The following ZNF398 variants were observed in gnomAD, a reference collection of about 807,000 sequenced individuals.
The protein encoded by ZNF398 is zinc finger protein 398.
ZNF398 carries 18 observed loss-of-function variants against 41.9 expected under a neutral mutation model. The observed-to-expected ratio is 0.43, with a 90% CI of 0.30 to 0.64. The LOEUF (loss-of-function observed/expected upper bound fraction) is 0.64. Among genes scored for constraint, ZNF398 ranks in the 30% least tolerant of loss-of-function variants. The pLI, the probability that ZNF398 is intolerant of heterozygous loss-of-function variation, is 0.14. For missense variants in ZNF398, 669 were observed against 822.8 expected, an observed-to-expected ratio of 0.81 and a Z score of 2.29; for synonymous variants, 260 against 308.8, an observed-to-expected ratio of 0.84 and a Z score of 1.66.
chr7:149,166,243 A>G lies in ZNF398; in HGVS notation c.506A>G (p.Lys169Arg). 4 of 1,614,162 alleles carry G rather than the reference A, an allele frequency of 2.5e-6. No individual in the cohort carries two copies. The highest frequency in any genetic ancestry group is 2.5e-6 in the Non-Finnish European group (3 of 1,180,016). Residue 169 changes from lysine (K) to arginine (R), a missense_variant, in exon 3 of 6, where the codon AAG becomes AGG. By Grantham distance (26) the Lys-to-Arg change is conservative. Coordinates refer to ENST00000475153, the MANE Select transcript of ZNF398 (RefSeq NM_170686.3). ...KLEEWQKELY[K>R]NIMKGNYESL... Reference sequence around the variant, plus strand: ...GAAGAATGGCAAAAGGAACTTTACAAGAATATCATGAAGGGCAACTACGAG... The same window carrying G: ...GAAGAATGGCAAAAGGAACTTTACAGGAATATCATGAAGGGCAACTACGAG...
rs573167341 is a variant in ZNF398 at position 149,140,392 on chromosome 7, C to CTTTTTTTTTT, written c.-490+11449_-490+11458dup. 2.0e-5 allele frequency among the ~76,000 whole-genome samples: 3 copies of CTTTTTTTTTT among 149,446 alleles called. No homozygotes were observed. In the South Asian group the frequency reaches 6.3e-4, roughly 32 times the overall value. On this transcript the variant is annotated intron_variant, in intron 2 of 6. Transcript: ENST00000426851. ...TGCATTCATAACAGTACATAAAATA[C>CTTTTTTTTTT]TTTTTTTTTTGAGACAGAGTCTCGC...
chr7:149,142,435 A>T (rs1414767721), intron 2 of ZNF398, among the ~76,000 whole-genome samples: 1 of 152,182 alleles, frequency 6.6e-6, no homozygotes, highest in Non-Finnish European at 1.5e-5. Context: ...TGGGAGGCCG[A>T]GGCGGGCGGA....
intron 2 of ZNF398, 30 bp from the exon 3 acceptor site, chr7:149,166,128 A>G: frequency 6.3e-7 from 1 of 1,580,230 alleles, no homozygotes; most frequent in Non-Finnish European, 8.6e-7. Flanking sequence ...TTATAATGGA[A>G]GGGACTAACC....
At chr7:149,165,808 T>G (rs1432300292) in intron 2 of ZNF398, among the ~76,000 whole-genome samples, 1 of 152,162 alleles carries the variant, frequency 6.6e-6, no homozygotes, top group African/African-American at 2.4e-5. Context: ...GTGATGTTCT[T>G]AGAGAAAAGG....
At chr7:149,159,018 G>A (rs1446101632) in intron 2 of ZNF398, among the ~76,000 whole-genome samples, 1 of 149,122 alleles carries the variant, frequency 6.7e-6, no homozygotes, top group Non-Finnish European at 1.5e-5. Flanking sequence ...TCTCCCTCTT[G>A]CTCAGGCTGC....
upstream of ZNF398, among the ~76,000 whole-genome samples, chr7:149,142,819 C>T (rs898715443): frequency 6.6e-6 from 1 of 152,162 alleles, no homozygotes; most frequent in Non-Finnish European, 1.5e-5. Flanking sequence ...GTGAATCTGA[C>T]TTTGAGAAAA....
At chr7:149,156,735 C>T (rs1261877345) in intron 2 of ZNF398, among the ~76,000 whole-genome samples, 4 of 151,470 alleles carry the variant, frequency 2.6e-5, no homozygotes. Flanking sequence ...GTGGCGCATA[C>T]CCGTAATCCC....
chr7:149,171,207 G>A (rs1795332386), intron 4 of ZNF398, among the ~76,000 whole-genome samples: 1 of 151,044 alleles, frequency 6.6e-6, no homozygotes, highest in Admixed American at 6.6e-5. Flanking sequence ...TTATAATACA[G>A]TAATATACTT....
Position 149,167,697 on chromosome 7 carries a change from G to A in ZNF398, c.661+767G>A, listed in dbSNP as rs560644319. 3.5e-3 allele frequency among the ~76,000 whole-genome samples: 484 copies of A among 136,818 alleles called. 3 individuals carry two copies. The highest frequency in any genetic ancestry group is 0.012 in the African/African-American group (420 of 35,754). The allele number at this position is 136,818 out of a possible 152,430, so 89.8% of individuals were successfully genotyped here. On this transcript the variant is annotated intron_variant, in intron 4 of 5. Coordinates refer to ENST00000475153, the MANE Select transcript of ZNF398 (RefSeq NM_170686.3). ...GCGATCTCGACTCACTGCAAGCTCC[G>A]TCTCCTGGGTTCACGCCACTCTCCT...
At chr7:149,175,726 C>A (rs1194476960) in intron 4 of ZNF398, among the ~76,000 whole-genome samples, 1 of 151,958 alleles carries the variant, frequency 6.6e-6, no homozygotes, top group Non-Finnish European at 1.5e-5. Context: ...CTCTTGTTGC[C>A]CAGGCTGGAG....
intron 2 of ZNF398, among the ~76,000 whole-genome samples, chr7:149,161,428 A>G (rs1221471006): frequency 1.3e-5 from 2 of 152,160 alleles, no homozygotes; most frequent in African/African-American, 2.4e-5. Flanking sequence ...CCATAGTGGC[A>G]TGTCACTTCC....
intron 2 of ZNF398, among the ~76,000 whole-genome samples, chr7:149,162,797 C>T (rs1795138616): frequency 6.6e-6 from 1 of 151,874 alleles, no homozygotes; most frequent in Admixed American, 6.6e-5. Flanking sequence ...GTGGTTCACG[C>T]CTGTACTCCC....
intron 1 of ZNF398, among the ~76,000 whole-genome samples, chr7:149,152,860 CTTTTTTTTT>C (rs752636514): frequency 2.2e-5 from 3 of 138,022 alleles, no homozygotes; most frequent in African/African-American, 5.3e-5. Flanking sequence ...TGCCCAGCCT[CTTTTTTTTT>C]TTTTTTTTGA....
In ZNF398 at chr7:149,166,947, A is replaced by AT; in HGVS notation, c.661+19dup. ...CCAGTGAAGGTAAGTGGGAGAAGAG[A>AT]TTCCTACTTCTTGTCTCCCTTTCCT... On this transcript the variant is annotated intron_variant, in intron 4 of 5. Transcript: ENST00000475153. 1 of 1,552,402 alleles carries AT rather than the reference A, an allele frequency of 6.4e-7. No homozygotes were observed.
chr7:149,143,437 T>C (rs1826867526), upstream of ZNF398, among the ~76,000 whole-genome samples: 1 of 152,260 alleles, frequency 6.6e-6, no homozygotes, highest in African/African-American at 2.4e-5. Flanking sequence ...TCCTTGATTC[T>C]GTGCAAAGGA....
intron 5 of ZNF398, among the ~76,000 whole-genome samples, chr7:149,178,087 C>T (rs763697540): frequency 2.6e-5 from 4 of 152,088 alleles, no homozygotes; most frequent in African/African-American, 7.2e-5. Context: ...GTCAGGAGAT[C>T]GAGACCATCC....
intron 2 of ZNF398, among the ~76,000 whole-genome samples, chr7:149,141,935 T>C (rs1292393029): frequency 2.0e-5 from 3 of 152,088 alleles, no homozygotes; most frequent in Admixed American, 6.6e-5. Flanking sequence ...CAAGTTATCA[T>C]AGGTTGGCAT....
Position 149,162,930 on chromosome 7 carries a change from C to T in ZNF398, c.421-3228C>T, listed in dbSNP as rs181633807. Among the ~76,000 whole-genome samples the T allele has an allele frequency of 6.4e-3, 973 of 151,760 alleles. 5 individuals are homozygous for T. The highest frequency in any genetic ancestry group is 8.0e-3 in the Non-Finnish European group (542 of 67,954). On this transcript the variant is annotated intron_variant, in intron 2 of 5. Transcript: ENST00000475153. The stretch of plus-strand genomic sequence containing the variant: ...GGCGGAGGTTGCAGTGAGCTGAGAT[C>T]GTGCCATTGCACTCCAGCCTGGGCA...
chr7:149,163,354 G>A (rs1173059857), intron 2 of ZNF398, among the ~76,000 whole-genome samples: 4 of 150,798 alleles, frequency 2.7e-5, no homozygotes, highest in Admixed American at 6.6e-5. Context: ...ACAGGCATGC[G>A]CCATCATGCC....
Sources: allele counts gnomAD v4.1 joint callset (sites outside exome capture counted in the v4.1 genomes callset), GRCh38; gene constraint gnomAD v4.1.1; transcripts MANE v1.5; gene names NCBI Gene and HGNC (gene_info 2026-07-23, HGNC 2026-07-21).